The following AFG2A variants were observed in gnomAD, a reference collection of about 807,000 sequenced individuals.
AFG2A encodes the protein ATPase family gene 2 protein homolog A.
chr4:123,282,990 A>G, the AFG2A span, among the ~76,000 whole-genome samples: 2 of 152,114 alleles, frequency 1.3e-5, 1 homozygote, highest in Admixed American at 1.3e-4. Context: ...TTTGCTTCAC[A>G]AAAACTGTGA....
At chr4:122,999,158 T>TGTTC in the AFG2A span, among the ~76,000 whole-genome samples, 1 of 131,194 alleles carries the variant, frequency 7.6e-6, no homozygotes, top group Non-Finnish European at 1.7e-5. Flanking sequence ...TTGATGGGGT[T>TGTTC]GTTTTTTTCT....
the AFG2A span, chr4:123,317,615 T>A: frequency 6.6e-6 from 1 of 152,202 alleles, no homozygotes; most frequent in African/African-American, 2.4e-5. Flanking sequence ...AGAGCAAGTC[T>A]CACATTGATG....
chr4:123,057,784 C>G, the AFG2A span, among the ~76,000 whole-genome samples: 1 of 149,848 alleles, frequency 6.7e-6, no homozygotes, highest in Non-Finnish European at 1.5e-5. Context: ...AGAGGATTAT[C>G]TATGATGTCA....
the AFG2A span, among the ~76,000 whole-genome samples, chr4:123,043,680 T>G: frequency 6.6e-6 from 1 of 152,178 alleles, no homozygotes; most frequent in African/African-American, 2.4e-5. Flanking sequence ...TAAAAATTTT[T>G]AAAGATTAAG....
At chr4:123,050,101 C>A in the AFG2A span, among the ~76,000 whole-genome samples, 1 of 152,020 alleles carries the variant, frequency 6.6e-6, no homozygotes, top group East Asian at 1.9e-4. Flanking sequence ...AGAAACTGTA[C>A]AGTTTCCAAA....
chr4:123,265,774 C>T, the AFG2A span, among the ~76,000 whole-genome samples: 3,193 of 152,120 alleles, frequency 0.021, 63 homozygotes, highest in Non-Finnish European at 0.035. Flanking sequence ...ATCTAGTCCC[C>T]AAGGCTGATA....
At chr4:122,947,599 A>G in the AFG2A span, 4 of 1,272,642 alleles carry the variant, frequency 3.1e-6, no homozygotes, top group Middle Eastern at 2.2e-4. Context: ...CTTTGTTTCT[A>G]ATTATAAAAT....
chr4:123,099,115 A>G, the AFG2A span, among the ~76,000 whole-genome samples: 1 of 151,936 alleles, frequency 6.6e-6, no homozygotes, highest in South Asian at 2.1e-4. Context: ...ATGATTAGTG[A>G]TGTTGAGCAC....
At chr4:123,258,513 T>C in the AFG2A span, among the ~76,000 whole-genome samples, 1 of 152,136 alleles carries the variant, frequency 6.6e-6, no homozygotes, top group African/African-American at 2.4e-5. Flanking sequence ...AGACTTCAGT[T>C]CTCATTTGTT....
chr4:123,060,673 G>A, the AFG2A span, among the ~76,000 whole-genome samples: 1 of 152,120 alleles, frequency 6.6e-6, no homozygotes, highest in Non-Finnish European at 1.5e-5. Context: ...TCCTAGGTTT[G>A]CAGGCCTGTG....
At chr4:123,124,485 T>C in the AFG2A span, among the ~76,000 whole-genome samples, 2 of 152,062 alleles carry the variant, frequency 1.3e-5, no homozygotes, top group Non-Finnish European at 2.9e-5. Flanking sequence ...CCAGGGCCTG[T>C]TGTGGGGTGT....
the AFG2A span, among the ~76,000 whole-genome samples, chr4:123,284,532 T>A: frequency 1.3e-5 from 2 of 152,224 alleles, no homozygotes; most frequent in Non-Finnish European, 2.9e-5. Flanking sequence ...GTGGTAGATG[T>A]CAGCATGATT....
the AFG2A span, among the ~76,000 whole-genome samples, chr4:123,268,252 C>T: frequency 6.6e-6 from 1 of 151,956 alleles, no homozygotes; most frequent in Non-Finnish European, 1.5e-5. Flanking sequence ...GCACCAGAAG[C>T]TCTAAAATAG....
At chr4:123,050,739 C>CTTTTTTTTTTTTTTT in the AFG2A span, among the ~76,000 whole-genome samples, 9 of 140,302 alleles carry the variant, frequency 6.4e-5, no homozygotes, top group African/African-American at 2.4e-4. Context: ...ATAGTTGTGT[C>CTTTTTTTTTTTTTTT]TTTTTTTTTT....
chr4:123,006,419 T>C, the AFG2A span, among the ~76,000 whole-genome samples: 1 of 152,162 alleles, frequency 6.6e-6, no homozygotes, highest in African/African-American at 2.4e-5. Context: ...TCTTGTATAT[T>C]TGAGCTTACA....
At chr4:123,055,369 C>CT in the AFG2A span, among the ~76,000 whole-genome samples, 1 of 152,142 alleles carries the variant, frequency 6.6e-6, no homozygotes, top group Non-Finnish European at 1.5e-5. Context: ...TTTCTTGACT[C>CT]TAAGGAGTTT....
At chr4:123,013,466 T>C in the AFG2A span, among the ~76,000 whole-genome samples, 1 of 152,184 alleles carries the variant, frequency 6.6e-6, no homozygotes, top group Non-Finnish European at 1.5e-5. Flanking sequence ...GTGTACAGAA[T>C]GTGCAGGTTC....
At chr4:122,997,151 C>G in the AFG2A span, among the ~76,000 whole-genome samples, 4 of 152,156 alleles carry the variant, frequency 2.6e-5, no homozygotes, top group South Asian at 8.3e-4. Flanking sequence ...TGTTGGGTAA[C>G]AGCTTTATTT....
At chr4:123,139,754 C>T in the AFG2A span, among the ~76,000 whole-genome samples, 12 of 152,020 alleles carry the variant, frequency 7.9e-5, no homozygotes, top group African/African-American at 2.9e-4. Context: ...CACATTATTA[C>T]ATTATGGTTT....
Sources: gnomAD v4.1 joint callset for allele counts (sites outside exome capture counted in the v4.1 genomes callset) on GRCh38, gnomAD v4.1.1 for gene constraint, MANE v1.5 for transcripts, NCBI Gene and HGNC (gene_info 2026-07-23, HGNC 2026-07-21) for gene names.